MYOF: variants seen among roughly 807,000 people sequenced by gnomAD.
The protein encoded by MYOF is myoferlin, also known as fer-1-like 3, myoferlin.
MYOF carries 244 observed loss-of-function variants against 284.2 expected under a neutral mutation model. That is an observed-to-expected ratio of 0.86 (90% CI 0.77 to 0.95). The LOEUF (loss-of-function observed/expected upper bound fraction) is 0.95, where lower values mean the gene tolerates loss of function less well. Among genes scored for constraint, MYOF ranks in the 40% least tolerant of loss-of-function variants. The probability of loss-of-function intolerance (pLI) is 0.00; values close to 1 mark genes in which losing one functional copy is unlikely to be tolerated. For missense variants in MYOF, 2,496 were observed against 2,560.6 expected (o/e 0.97, Z 0.54); for synonymous variants, 904 against 919.7 (o/e 0.98, Z 0.31).
chr10:93,409,712 T>G lies in MYOF; in HGVS notation c.461A>C (p.Glu154Ala). 1 of 1,614,172 alleles carries G rather than the reference T, an allele frequency of 6.2e-7. No individual in the cohort carries two copies. The highest frequency in any genetic ancestry group is 8.5e-7 in the Non-Finnish European group (1 of 1,180,026). Residue 154 changes from glutamate to alanine, a missense_variant, in exon 6 of 54, where the codon GAA becomes GCA. By Grantham distance (107) the Glu-to-Ala change is moderately radical. Coordinates refer to ENST00000359263, the MANE Select transcript of MYOF (RefSeq NM_013451.4). ...GGDGEEDEGD[E>A]DRLDNAVRGP... ...CCTGACTGCATTGTCCAACCTGTCT[T>G]CATCACCTTCATCTTCTTCCCCATC...
chr10:93,343,209 GC>G (rs1188965013), intron 38 of MYOF, among the ~76,000 whole-genome samples: 1 of 152,102 alleles, frequency 6.6e-6, no homozygotes, highest in African/African-American at 2.4e-5. Flanking sequence ...CTGGGCTGAG[GC>G]TTTTTGCCCC....
rs1201205379 is a variant in MYOF at position 93,452,185 on chromosome 10, T to G, written c.145-44A>C. On this transcript the variant is annotated intron_variant, in intron 2 of 53. Transcript: ENST00000359263. ...TGAAAAAAGAGAAAAAAAAAGGCTG[T>G]TAGAAGGAGCAGAGATTACACTAAG... 2.2e-6 allele frequency: 3 copies of G among 1,340,696 alleles called. No homozygotes were observed. The East Asian group carries it at 6.9e-5, about 31-fold the overall frequency. 83.0% of individuals were successfully genotyped at this position (1,340,696 alleles called of 1,614,324 possible).
chr10:93,396,369 C>T, intron 15 of MYOF, 145 bp from the exon 16 acceptor site: 1 of 560,814 alleles, frequency 1.8e-6, no homozygotes, highest in East Asian at 3.0e-5. Context: ...TAGTGGGCCT[C>T]AAACTTTATT....
At chr10:93,441,880 A>G (rs1010908260) in intron 3 of MYOF, among the ~76,000 whole-genome samples, 2 of 151,822 alleles carry the variant, frequency 1.3e-5, no homozygotes, top group African/African-American at 4.8e-5. Context: ...AGTACATTTC[A>G]CAACGTAAGC....
intron 45 of MYOF, 36 bp downstream of exon 45, chr10:93,328,727 T>C (rs1564621792): frequency 1.3e-6 from 2 of 1,592,334 alleles, no homozygotes; most frequent in East Asian, 4.5e-5. Context: ...GTTACTATAC[T>C]TTGTACCAGT....
intron 37 of MYOF, 97 bp from the exon 38 acceptor site, chr10:93,344,029 G>C: frequency 1.5e-6 from 2 of 1,315,592 alleles, no homozygotes; most frequent in Non-Finnish European, 2.1e-6. Context: ...AGGGTGGATG[G>C]TAGAGTTTAT....
chr10:93,376,811 G>GCCTAAATCTACT (rs1845858509), intron 22 of MYOF, among the ~76,000 whole-genome samples: 1 of 152,140 alleles, frequency 6.6e-6, no homozygotes, highest in Non-Finnish European at 1.5e-5. Flanking sequence ...CAAATCTACT[G>GCCTAAATCTACT]GTTTTGCCTA....
intron 1 of MYOF, among the ~76,000 whole-genome samples, chr10:93,473,398 C>G (rs967141910): frequency 1.3e-5 from 2 of 152,230 alleles, no homozygotes; most frequent in African/African-American, 4.8e-5. Context: ...TTTCTCTGAG[C>G]TATCTCATGC....
chr10:93,333,519 C>CT (rs1554839561), intron 42 of MYOF, among the ~76,000 whole-genome samples: 1 of 146,122 alleles, frequency 6.8e-6, no homozygotes, highest in Non-Finnish European at 1.5e-5. Context: ...TGGCAGGGGG[C>CT]GGGGGGGAGT....
intron 32 of MYOF, among the ~76,000 whole-genome samples, chr10:93,352,396 G>A (rs943557233): frequency 6.6e-6 from 1 of 152,114 alleles, no homozygotes; most frequent in East Asian, 1.9e-4. Flanking sequence ...GATGGTAATC[G>A]ATTTATTCAG....
At chr10:93,466,926 C>T (rs1052412437) in intron 1 of MYOF, among the ~76,000 whole-genome samples, 1 of 152,006 alleles carries the variant, frequency 6.6e-6, no homozygotes, top group Non-Finnish European at 1.5e-5. Context: ...TGCAGTGGGC[C>T]GTGATCAGGC....
At chr10:93,329,631 C>A (rs761519213) in intron 44 of MYOF, 33 bp downstream of exon 44, 2 of 1,610,642 alleles carry the variant, frequency 1.2e-6, no homozygotes, top group Admixed American at 1.7e-5. Context: ...TCAGAGGCAG[C>A]AAAGTGCCTC....
chr10:93,378,534 C>G (rs1023252198), intron 21 of MYOF, among the ~76,000 whole-genome samples: 7 of 151,442 alleles, frequency 4.6e-5, no homozygotes, highest in Non-Finnish European at 8.8e-5. Context: ...ACTCCTGAAA[C>G]CCCATATGTT....
intron 5 of MYOF, among the ~76,000 whole-genome samples, chr10:93,424,773 G>C (rs1308458005): frequency 6.6e-6 from 1 of 152,016 alleles, no homozygotes; most frequent in Non-Finnish European, 1.5e-5. Context: ...GGTGGGACTG[G>C]GCAGGACAGG....
chr10:93,457,026 A>C lies in MYOF; in HGVS notation c.89-89T>G, dbSNP rs972765026. The C allele has an allele frequency of 3.2e-6, 3 of 940,818 alleles. No homozygotes were observed. In the Admixed American group the frequency reaches 6.5e-5, roughly 20 times the overall value. 58.3% of individuals were successfully genotyped at this position (940,818 alleles called of 1,614,324 possible). A position where few individuals can be genotyped will look rare whatever the true frequency, so the allele number is the denominator to read the frequency against. On this transcript the variant is annotated intron_variant, in intron 1 of 53. Transcript: ENST00000359263. ...TCATTTATTCTAAGAACATTACCCA[A>C]GGGTCTACTTGCACCCACATCTCCC...
intron 50 of MYOF, among the ~76,000 whole-genome samples, chr10:93,314,872 A>AT (rs199629172): frequency 0.023 from 3,507 of 152,182 alleles, 59 homozygotes; most frequent in Non-Finnish European, 0.037. Context: ...AACATGGCAA[A>AT]ACCCTGTCTC....
chr10:93,320,164 A>G, intron 48 of MYOF, 151 bp from the exon 49 acceptor site: 5 of 898,334 alleles, frequency 5.6e-6, no homozygotes, highest in Non-Finnish European at 6.7e-6. Context: ...GGGGTGATTT[A>G]TGGAGGGGAG....
At chr10:93,328,439 G>A (rs888861466) in intron 45 of MYOF, among the ~76,000 whole-genome samples, 3 of 152,170 alleles carry the variant, frequency 2.0e-5, no homozygotes, top group African/African-American at 4.8e-5. Context: ...GGATAAACCT[G>A]GAAGGGAAAT....
Position 93,364,082 on chromosome 10 carries a change from G to C in MYOF, c.2754-7C>G. 1 of 1,612,888 alleles carries C rather than the reference G, an allele frequency of 6.2e-7. No homozygotes were observed. Among genetic ancestry groups the C allele is most frequent in the Non-Finnish European group, 8.5e-7 (1 of 1,179,078 alleles). ...ATCTGCCTCAGTCAGCAAGCTGTGG[G>C]GCGGGGAGGGCTCAAGTTACCCAAG... On this transcript the variant is annotated splice_polypyrimidine_tract_variant and splice_region_variant and intron_variant, in intron 26 of 53. Coordinates refer to ENST00000359263, the MANE Select transcript of MYOF (RefSeq NM_013451.4).
Sources: allele counts gnomAD v4.1 joint callset (sites outside exome capture counted in the v4.1 genomes callset), GRCh38; gene constraint gnomAD v4.1.1; transcripts MANE v1.5; gene names NCBI Gene and HGNC (gene_info 2026-07-23, HGNC 2026-07-21).